The following BMPR1B variants were observed in gnomAD, a reference collection of about 807,000 sequenced individuals.
The protein encoded by BMPR1B is bone morphogenetic protein receptor type-1B.
A neutral mutation model predicts 59.1 loss-of-function variants in BMPR1B; 12 were observed. The observed-to-expected ratio is 0.20, with a 90% confidence interval of 0.13 to 0.33. BMPR1B has a LOEUF of 0.33. BMPR1B is among the 10% of genes least tolerant of loss of function. The pLI, the probability that BMPR1B is intolerant of heterozygous loss-of-function variation, is 1.00. For missense variants in BMPR1B, 550 were observed against 610.9 expected, an observed-to-expected ratio of 0.90 and a Z score of 1.05; for synonymous variants, 237 against 207.3, an observed-to-expected ratio of 1.14 and a Z score of -1.23.
intron 2 of BMPR1B, among the ~76,000 whole-genome samples, chr4:94,905,664 T>A (rs1379447121): frequency 1.3e-5 from 2 of 152,002 alleles, no homozygotes; most frequent in East Asian, 3.9e-4. Flanking sequence ...CGTTCTGCAT[T>A]CCTTTGCATA....
At chr4:95,059,151 G>A (rs1482481832) in intron 3 of BMPR1B, among the ~76,000 whole-genome samples, 2 of 152,148 alleles carry the variant, frequency 1.3e-5, no homozygotes, top group African/African-American at 4.8e-5. Context: ...TTCAGCTGAA[G>A]TTATTGAGAA....
At chr4:95,098,244 A>T (rs1730572123) in intron 3 of BMPR1B, among the ~76,000 whole-genome samples, 2 of 152,092 alleles carry the variant, frequency 1.3e-5, no homozygotes, top group African/African-American at 4.8e-5. Context: ...TCTATTTATT[A>T]TTTCAGCATC....
At chr4:94,868,131 G>A (rs1316991786) in intron 1 of BMPR1B, among the ~76,000 whole-genome samples, 1 of 151,676 alleles carries the variant, frequency 6.6e-6, no homozygotes, top group Non-Finnish European at 1.5e-5. Flanking sequence ...CCAAAGTGCT[G>A]GGATTACAGG....
intron 4 of BMPR1B, among the ~76,000 whole-genome samples, chr4:95,108,683 A>G (rs960915317): frequency 3.3e-5 from 5 of 152,080 alleles, no homozygotes; most frequent in African/African-American, 4.8e-5. Flanking sequence ...TGCTCATGAT[A>G]TTCACATTAA....
rs148110827 is a variant in BMPR1B at position 94,955,637 on chromosome 4, C to CTTTTT, written c.-112-40398_-112-40394dup. Among the ~76,000 whole-genome samples, 3 of 148,224 alleles carry CTTTTT rather than the reference C, an allele frequency of 2.0e-5. 1 individual carries two copies. Among genetic ancestry groups the CTTTTT allele is most frequent in the Non-Finnish European group, 4.5e-5 (3 of 67,370 alleles). On this transcript the variant is annotated intron_variant, in intron 2 of 12. Coordinates refer to ENST00000515059, the MANE Select transcript of BMPR1B (RefSeq NM_001203.3). ...TTTACACGTATTAGCACATTTAATT[C>CTTTTT]TTTTTTTTTAAAGACAGAATCTCGC...
chr4:94,842,100 A>C (rs1725110264), intron 1 of BMPR1B, among the ~76,000 whole-genome samples: 1 of 152,204 alleles, frequency 6.6e-6, no homozygotes, highest in Non-Finnish European at 1.5e-5. Context: ...GGGTGCTTGG[A>C]CAAGTAGCCT....
intron 3 of BMPR1B, among the ~76,000 whole-genome samples, chr4:95,081,524 T>A (rs1195712885): frequency 6.6e-6 from 1 of 152,222 alleles, no homozygotes; most frequent in East Asian, 1.9e-4. Context: ...TCCACATAAC[T>A]GATCTGCATA....
At chr4:95,084,146 C>T (rs1055713636) in intron 3 of BMPR1B, among the ~76,000 whole-genome samples, 1 of 151,632 alleles carries the variant, frequency 6.6e-6, no homozygotes, top group Non-Finnish European at 1.5e-5. Flanking sequence ...TTAAAATCTA[C>T]CTGAAATTAG....
At chr4:94,901,177 G>T (rs1727795988) in intron 2 of BMPR1B, among the ~76,000 whole-genome samples, 2 of 151,954 alleles carry the variant, frequency 1.3e-5, no homozygotes. Flanking sequence ...TTTCCAAATT[G>T]AGTGTTGTGA....
chr4:95,096,551 T>G lies in BMPR1B; in HGVS notation c.-17-7857T>G, dbSNP rs536484560. ...GTCGTGATTCAGTAACACACAAACA[T>G]CCTGTGAAAATAATTCTATTGTTTA... On this transcript the variant is annotated intron_variant, in intron 3 of 12. Transcript: ENST00000515059. Among the ~76,000 whole-genome samples the G allele has an allele frequency of 1.4e-3, 213 of 151,018 alleles. 1 individual carries two copies. The highest frequency in any genetic ancestry group is 1.2e-3 in the Non-Finnish European group (82 of 67,624).
intron 10 of BMPR1B, 120 bp downstream of exon 10, chr4:95,131,632 C>A: frequency 8.5e-7 from 1 of 1,176,186 alleles, no homozygotes. Context: ...TGACATTTGA[C>A]GGGGAGAACC....
At chr4:94,817,592 G>A (rs773267948) in intron 1 of BMPR1B, among the ~76,000 whole-genome samples, 2 of 151,840 alleles carry the variant, frequency 1.3e-5, no homozygotes, top group African/African-American at 4.8e-5. Context: ...TTAGCCATAT[G>A]CTTCTGTTGT....
intron 2 of BMPR1B, among the ~76,000 whole-genome samples, chr4:94,880,834 C>A (rs1038171738): frequency 3.3e-5 from 5 of 151,876 alleles, no homozygotes; most frequent in African/African-American, 1.2e-4. Context: ...CGGGGTTTCA[C>A]CATTTTAGCC....
chr4:94,826,444 G>A (rs1016914953), intron 1 of BMPR1B, among the ~76,000 whole-genome samples: 6 of 152,122 alleles, frequency 3.9e-5, no homozygotes, highest in African/African-American at 1.4e-4. Context: ...CTTTTGCACT[G>A]TGCTTTTCTG....
chr4:95,070,353 T>A (rs1361742237), intron 3 of BMPR1B, among the ~76,000 whole-genome samples: 2 of 152,074 alleles, frequency 1.3e-5, no homozygotes, highest in Non-Finnish European at 1.5e-5. Flanking sequence ...ATAGCGAATA[T>A]AAGAGCAGAA....
intron 4 of BMPR1B, among the ~76,000 whole-genome samples, chr4:95,111,370 T>C (rs1731623665): frequency 6.6e-6 from 1 of 152,004 alleles, no homozygotes; most frequent in Admixed American, 6.6e-5. Flanking sequence ...TAAAGAAACA[T>C]AAGATCTTAG....
chr4:95,148,087 T>G (rs1734772948), intron 10 of BMPR1B, among the ~76,000 whole-genome samples: 1 of 152,250 alleles, frequency 6.6e-6, no homozygotes, highest in Non-Finnish European at 1.5e-5. Context: ...ACAATAGTGA[T>G]AGCAGAAAGC....
chr4:94,979,665 A>T (rs894890373), intron 2 of BMPR1B, among the ~76,000 whole-genome samples: 1 of 152,218 alleles, frequency 6.6e-6, no homozygotes, highest in African/African-American at 2.4e-5. Context: ...TGTCCCAGTG[A>T]TTCTCAAAAT....
Position 94,919,209 on chromosome 4 carries a change from C to T in BMPR1B, c.-113+43309C>T, listed in dbSNP as rs28733854. On this transcript the variant is annotated intron_variant, in intron 2 of 12. Coordinates refer to ENST00000515059, the MANE Select transcript of BMPR1B (RefSeq NM_001203.3). ...CACACCCAAGTCATCCATACGCAGA[C>T]GTGCACTGCCTTAAGTATATTTAAC... 8.1e-3 allele frequency among the ~76,000 whole-genome samples: 1,236 copies of T among 152,258 alleles called. 16 individuals carry two copies. The highest frequency in any genetic ancestry group is 0.026 in the African/African-American group (1,077 of 41,546).
Sources: allele counts gnomAD v4.1 joint callset (sites outside exome capture counted in the v4.1 genomes callset), GRCh38; gene constraint gnomAD v4.1.1; transcripts MANE v1.5; gene names NCBI Gene and HGNC (gene_info 2026-07-23, HGNC 2026-07-21).